ABCC5: variants seen among roughly 807,000 people sequenced by gnomAD.
The protein encoded by ABCC5 is ATP-binding cassette sub-family C member 5.
Under a neutral mutation model 160.9 loss-of-function variants are expected in ABCC5, and 61 were observed. The ratio of observed to expected loss-of-function variants is 0.38; its 90% CI spans 0.31 to 0.47. The LOEUF is 0.47. Ranked by LOEUF, ABCC5 falls within the 20% of genes least tolerant of loss-of-function variation. The probability of loss-of-function intolerance (pLI) is 0.99; values close to 1 mark genes in which losing one functional copy is unlikely to be tolerated. For missense variants in ABCC5, 1,308 were observed against 1,813.3 expected (o/e 0.72, Z 5.06); for synonymous variants, 666 against 700.6 (o/e 0.95, Z 0.78).
In ABCC5 at chr3:183,957,472, A is replaced by C. The variant is rs1716192003; in HGVS notation, c.2482+2261T>G. On this transcript the variant is annotated intron_variant, in intron 17 of 29. Coordinates refer to ENST00000334444, the MANE Select transcript of ABCC5 (RefSeq NM_005688.4). Reference sequence around the variant, plus strand: ...CTGTTACATGCGGATCCGTGTGTATATGACATCAGTTACATGCGGATCCGT... The same window carrying C: ...CTGTTACATGCGGATCCGTGTGTATCTGACATCAGTTACATGCGGATCCGT... Among the ~76,000 whole-genome samples, 4 of 142,200 alleles carry C rather than the reference A, an allele frequency of 2.8e-5. No homozygotes were observed. In the South Asian group the frequency reaches 9.0e-4, roughly 32 times the overall value. The allele number at this position is 142,200 out of a possible 152,430, so 93.3% of individuals were successfully genotyped here. A position where few individuals can be genotyped will look rare whatever the true frequency, so the allele number is the denominator to read the frequency against.
Position 183,949,147 on chromosome 3 carries a change from TA to T in ABCC5, c.3227+605del, listed in dbSNP as rs935911084. On this transcript the variant is annotated intron_variant, in intron 22 of 29. Transcript: ENST00000334444. This position sits in a 1 kb window ranked among gnomAD's most constrained non-coding sequence, Gnocchi z 4.2. ...ACCTATAGAGCTCCCTCATTCTTTT[TA>T]AGGGCCACATAGTACTCTATGGATA... is the stretch of plus-strand genomic sequence containing the variant. 1.3e-5 allele frequency among the ~76,000 whole-genome samples: 2 copies of T among 152,226 alleles called. No homozygotes were observed. The highest frequency in any genetic ancestry group is 4.8e-5 in the African/African-American group (2 of 41,468).
At position 183,949,930 on chromosome 3, in the gene ABCC5, G is replaced by A. The variant is rs1244091894; in HGVS notation, c.3098+42C>T. 1 of 1,614,014 alleles carries A rather than the reference G, an allele frequency of 6.2e-7. No individual in the cohort carries two copies. The highest frequency in any genetic ancestry group is 2.2e-5 in the East Asian group (1 of 44,882). The stretch of plus-strand genomic sequence containing the variant: ...TCACAGCACCTACCCAGCAACTGAG[G>A]CTTCTCCGTGGCCCCAGCAGACATG... On this transcript the variant is annotated intron_variant, in intron 21 of 29. Coordinates refer to ENST00000334444, the MANE Select transcript of ABCC5 (RefSeq NM_005688.4). The surrounding 1 kb of genome is among the most constrained non-coding windows in gnomAD (Gnocchi z 4.2).
At chr3:183,927,530 A>G in intron 27 of ABCC5, 87 bp from the exon 28 acceptor site, 1 of 1,509,588 alleles carries the variant, frequency 6.6e-7, no homozygotes, top group Non-Finnish European at 8.9e-7. Context: ...ATGATTCTGA[A>G]AGCGATGAAA....
At position 183,988,834 on chromosome 3, in the gene ABCC5, CT is replaced by C; in HGVS notation, c.288-108del. The C allele has an allele frequency of 7.8e-7, 1 of 1,287,222 alleles. No homozygotes were observed. Among genetic ancestry groups the C allele is most frequent in the East Asian group, 2.5e-5 (1 of 40,598 alleles). The allele number at this position is 1,287,222 out of a possible 1,614,324, so 79.7% of individuals were successfully genotyped here. A position where few individuals can be genotyped will look rare whatever the true frequency, so the allele number is the denominator to read the frequency against. ...ACACAGCTCTTAGCTAAAGACCAGT[CT>C]CCCCAGATGATCTAATCTTAGCCTG... On this transcript the variant is annotated intron_variant, in intron 3 of 29. Transcript: ENST00000334444. This position sits in a 1 kb window ranked among gnomAD's most constrained non-coding sequence, Gnocchi z 4.4.
chr3:183,986,211 G>A (rs572841255), intron 5 of ABCC5: 2 of 152,386 alleles, frequency 1.3e-5, no homozygotes, highest in South Asian at 2.1e-4. Context: ...AAAAGGAAGT[G>A]TGTATTGTTT....
chr3:184,006,101 G>C (rs1218348375), intron 2 of ABCC5, among the ~76,000 whole-genome samples: 1 of 151,974 alleles, frequency 6.6e-6, no homozygotes, highest in African/African-American at 2.4e-5. Flanking sequence ...GAGCCCCAGC[G>C]AGCTGTCAAT....
rs1228039852 is a variant in ABCC5, at chr3:184,017,318, T to C, written c.-56+512A>G. 1 of 152,238 alleles carries C rather than the reference T, an allele frequency of 6.6e-6. No homozygotes were observed. Among genetic ancestry groups the C allele is most frequent in the Non-Finnish European group, 1.5e-5 (1 of 68,070 alleles). 9.4% of individuals were successfully genotyped at this position (152,238 alleles called of 1,614,324 possible). A position where few individuals can be genotyped will look rare whatever the true frequency, so the allele number is the denominator to read the frequency against. On this transcript the variant is annotated intron_variant, in intron 1 of 29. Transcript: ENST00000334444. The surrounding 1 kb of genome is among the most constrained non-coding windows in gnomAD (Gnocchi z 4.5). Reference sequence around the variant, plus strand: ...CGTGCTTATGTCACGTACCTCCATTTACCCGCTTGCAAAAACGAAGGGGAT... The same window carrying C: ...CGTGCTTATGTCACGTACCTCCATTCACCCGCTTGCAAAAACGAAGGGGAT...
chr3:183,949,925 CTG>C lies in ABCC5; in HGVS notation c.3098+45_3099-45del. On this transcript the variant is annotated intron_variant, in intron 21 of 29. Transcript: ENST00000334444. The surrounding 1 kb of genome is among the most constrained non-coding windows in gnomAD (Gnocchi z 4.2). The stretch of plus-strand genomic sequence containing the variant: ...CCGTGTCACAGCACCTACCCAGCAA[CTG>C]AGGCTTCTCCGTGGCCCCAGCAGAC... The C allele has an allele frequency of 6.2e-7, 1 of 1,614,046 alleles. No homozygotes were observed. The highest frequency in any genetic ancestry group is 1.1e-5 in the South Asian group (1 of 91,062).
chr3:183,937,854 C>A lies in ABCC5; in HGVS notation c.3854+47G>T, dbSNP rs1342807783. The A allele has an allele frequency of 3.1e-6, 5 of 1,602,354 alleles. No homozygotes were observed. The East Asian group carries it at 1.1e-4, about 36-fold the overall frequency. ...GCATCATGTGGTCCCACATGCTCAT[C>A]TGGCCTCTAAGTGACGCACGAGACA... On this transcript the variant is annotated intron_variant, in intron 26 of 29. Coordinates refer to ENST00000334444, the MANE Select transcript of ABCC5 (RefSeq NM_005688.4).
At chr3:184,010,894 T>C (rs1326002876) in intron 2 of ABCC5, among the ~76,000 whole-genome samples, 1 of 149,428 alleles carries the variant, frequency 6.7e-6, no homozygotes, top group African/African-American at 2.5e-5. Context: ...GCCTCTCAGG[T>C]TCAAGCGATT....
chr3:183,947,230 C>T, intron 23 of ABCC5, 94 bp downstream of exon 23: 2 of 1,321,248 alleles, frequency 1.5e-6, no homozygotes, highest in Middle Eastern at 2.8e-4. Flanking sequence ...GAAATAATGG[C>T]TCAGGGTGGA....
At chr3:183,934,999 T>A (rs1194381555) in intron 26 of ABCC5, among the ~76,000 whole-genome samples, 1 of 152,148 alleles carries the variant, frequency 6.6e-6, no homozygotes. Context: ...AACTAGTTCT[T>A]ATGGCCAAAG....
At chr3:183,984,232 G>A in intron 5 of ABCC5, 1 of 985,576 alleles carries the variant, frequency 1.0e-6, no homozygotes, top group African/African-American at 1.7e-5. Context: ...GGAAAAACTG[G>A]TGGCATCCTT....
chr3:183,978,855 A>G (rs1342078035), intron 8 of ABCC5, among the ~76,000 whole-genome samples: 2 of 152,228 alleles, frequency 1.3e-5, no homozygotes, highest in African/African-American at 4.8e-5. Context: ...AGCAGTCACT[A>G]TGTATGAACT....
intron 5 of ABCC5, chr3:183,983,671 G>T: frequency 1.1e-6 from 1 of 915,194 alleles, no homozygotes; most frequent in Non-Finnish European, 1.3e-6. Flanking sequence ...ACCACCGAGT[G>T]CCACCTCCAG....
At chr3:183,954,712 A>G (rs551359358) in intron 17 of ABCC5, among the ~76,000 whole-genome samples, 11 of 152,298 alleles carry the variant, frequency 7.2e-5, no homozygotes, top group African/African-American at 2.6e-4. Context: ...TGTAAACCAG[A>G]AAGTACCTTG....
chr3:183,964,940 A>G (rs577987136), intron 14 of ABCC5, among the ~76,000 whole-genome samples: 1 of 152,348 alleles, frequency 6.6e-6, no homozygotes, highest in Non-Finnish European at 1.5e-5. Context: ...AAAAACATCA[A>G]CTCTGAGTCA....
At chr3:183,985,254 A>G (rs1719103889) in intron 5 of ABCC5, 10 of 1,452,462 alleles carry the variant, frequency 6.9e-6, no homozygotes, top group Non-Finnish European at 8.7e-6. Flanking sequence ...GACTGTTAGC[A>G]TAGCTGTCTG....
chr3:183,990,997 T>C (rs201748875), intron 2 of ABCC5, among the ~76,000 whole-genome samples: 152 of 152,302 alleles, frequency 1.0e-3, no homozygotes, highest in Non-Finnish European at 1.8e-3. Context: ...CCAGCAATTA[T>C]TGTGAAACAG....
Sources: gnomAD v4.1 joint callset for allele counts (sites outside exome capture counted in the v4.1 genomes callset) on GRCh38, gnomAD v4.1.1 for gene constraint, Gnocchi (gnomAD v3.1) non-coding constraint, MANE v1.5 for transcripts, NCBI Gene and HGNC (gene_info 2026-07-23, HGNC 2026-07-21) for gene names.